Variants in RHOBTB3 observed in about 807,000 individuals in gnomAD.
The protein encoded by RHOBTB3 is rho-related BTB domain-containing protein 3.
A neutral mutation model predicts 67.2 loss-of-function variants in RHOBTB3; 47 were observed. That is an observed-to-expected ratio of 0.70 (90% CI 0.55 to 0.89). The LOEUF is 0.89. Ranked by LOEUF, RHOBTB3 falls within the 40% of genes least tolerant of loss-of-function variation. The pLI is 0.00. For missense variants in RHOBTB3, 631 were observed against 750.0 expected (o/e 0.84, Z 1.85); for synonymous variants, 273 against 274.2 (o/e 1.00, Z 0.04).
At chr5:95,733,719 C>G (rs1387285683) in intron 2 of RHOBTB3, among the ~76,000 whole-genome samples, 8 of 152,152 alleles carry the variant, frequency 5.3e-5, no homozygotes, top group Admixed American at 3.3e-4. Context: ...TAATGATCTT[C>G]AGATATGAGA....
chr5:95,758,952 C>G (rs1011283283), intron 6 of RHOBTB3, among the ~76,000 whole-genome samples: 4 of 152,226 alleles, frequency 2.6e-5, no homozygotes, highest in Admixed American at 2.0e-4. Flanking sequence ...ACCAAGTTAA[C>G]AGCTTAGGAT....
intron 4 of RHOBTB3, among the ~76,000 whole-genome samples, chr5:95,750,181 G>C (rs1745048351): frequency 6.6e-6 from 1 of 152,194 alleles, no homozygotes; most frequent in Admixed American, 6.5e-5. Context: ...AAGGAGCATT[G>C]AAAATCTGCA....
At chr5:95,775,370 C>G (rs1745838994) in intron 8 of RHOBTB3, among the ~76,000 whole-genome samples, 1 of 148,680 alleles carries the variant, frequency 6.7e-6, no homozygotes, top group Non-Finnish European at 1.5e-5. Flanking sequence ...ATTAGAGATC[C>G]TAAACTATTA....
intron 1 of RHOBTB3, among the ~76,000 whole-genome samples, chr5:95,723,026 G>T (rs1019007175): frequency 9.9e-5 from 15 of 152,064 alleles, no homozygotes; most frequent in African/African-American, 3.6e-4. Flanking sequence ...TTCAAACAAA[G>T]AAACAAACAT....
chr5:95,747,501 C>T (rs1447122747), intron 3 of RHOBTB3, among the ~76,000 whole-genome samples: 1 of 152,172 alleles, frequency 6.6e-6, no homozygotes, highest in Non-Finnish European at 1.5e-5. Context: ...TGAATGGTGA[C>T]ACATCTGATG....
chr5:95,788,993 T>G (rs1746299746), intron 11 of RHOBTB3, 135 bp downstream of exon 11: 1 of 578,098 alleles, frequency 1.7e-6, no homozygotes, highest in African/African-American at 2.0e-5. Context: ...AATTATGCAG[T>G]GTGGTAATTG....
intron 11 of RHOBTB3, among the ~76,000 whole-genome samples, chr5:95,792,021 AC>A (rs1746412483): frequency 1.3e-5 from 2 of 152,120 alleles, no homozygotes; most frequent in Non-Finnish European, 2.9e-5. Context: ...GCTTCACCAA[AC>A]CTAGAGAATG....
chr5:95,754,132 G>A (rs1470956596), intron 5 of RHOBTB3, among the ~76,000 whole-genome samples: 1 of 151,996 alleles, frequency 6.6e-6, no homozygotes, highest in African/African-American at 2.4e-5. Context: ...TCTCTTGTGT[G>A]GGTCTTCATG....
Position 95,731,469 on chromosome 5 carries a change from T to TC in RHOBTB3, c.-209dup. ...GCACTCCCTGAGTAGCGGCAGCTTA[T>TC]CCCCCGCCCGCTAGCCCGCCCTGGT... On this transcript the variant is annotated 5_prime_UTR_variant, in exon 1 of 12. Coordinates refer to ENST00000379982, the MANE Select transcript of RHOBTB3 (RefSeq NM_014899.4). The TC allele has an allele frequency of 8.2e-7, 1 of 1,220,848 alleles. No homozygotes were observed. Among genetic ancestry groups the TC allele is most frequent in the Non-Finnish European group, 1.0e-6 (1 of 984,198 alleles). 75.6% of individuals were successfully genotyped at this position (1,220,848 alleles called of 1,614,324 possible). A position where few individuals can be genotyped will look rare whatever the true frequency, so the allele number is the denominator to read the frequency against.
At chr5:95,791,903 C>A (rs1282798048) in intron 11 of RHOBTB3, among the ~76,000 whole-genome samples, 1 of 152,090 alleles carries the variant, frequency 6.6e-6, no homozygotes, top group African/African-American at 2.4e-5. Flanking sequence ...ATTCTGTAAC[C>A]TAGAATGCCT....
chr5:95,747,303 A>G (rs1246234244), intron 3 of RHOBTB3, among the ~76,000 whole-genome samples: 1 of 152,162 alleles, frequency 6.6e-6, no homozygotes, highest in Non-Finnish European at 1.5e-5. Context: ...CAGTACTGCA[A>G]TTCCAATTTT....
chr5:95,747,332 A>G (rs964697151), intron 3 of RHOBTB3, among the ~76,000 whole-genome samples: 2 of 152,076 alleles, frequency 1.3e-5, no homozygotes, highest in Admixed American at 1.3e-4. Flanking sequence ...CCAGTCCCGC[A>G]TTCCTCACCC....
chr5:95,758,819 C>T (rs540594143), intron 6 of RHOBTB3, among the ~76,000 whole-genome samples: 4 of 152,228 alleles, frequency 2.6e-5, no homozygotes, highest in Admixed American at 6.5e-5. Context: ...CAGTAGTCTC[C>T]GAGGTGGTGC....
intron 5 of RHOBTB3, 83 bp from the exon 6 acceptor site, chr5:95,755,313 A>G (rs1028581406): frequency 7.2e-6 from 7 of 969,022 alleles, no homozygotes; most frequent in Non-Finnish European, 9.9e-6. Context: ...AATATTATAC[A>G]ATTATATTTA....
At chr5:95,783,705 TTTAA>T (rs1347485947) in intron 9 of RHOBTB3, 88 bp from the exon 10 acceptor site, 1 of 1,125,138 alleles carries the variant, frequency 8.9e-7, no homozygotes, top group African/African-American at 1.5e-5. Flanking sequence ...AGCATGTTTT[TTTAA>T]TTGTTGTTTT....
chr5:95,721,693 T>TAAAA (rs58596325), intron 1 of RHOBTB3, among the ~76,000 whole-genome samples: 1 of 132,202 alleles, frequency 7.6e-6, no homozygotes. Flanking sequence ...CTGAGAGCAT[T>TAAAA]AAAAAAAAAA....
At chr5:95,736,132 A>G (rs1186927602) in intron 2 of RHOBTB3, among the ~76,000 whole-genome samples, 1 of 152,224 alleles carries the variant, frequency 6.6e-6, no homozygotes, top group Non-Finnish European at 1.5e-5. Flanking sequence ...GTTTGTAATA[A>G]ATTACTTACT....
intron 9 of RHOBTB3, chr5:95,782,254 T>C (rs1162749281): frequency 1.3e-5 from 2 of 152,128 alleles, no homozygotes; most frequent in South Asian, 2.1e-4. Context: ...CTTGGTTCCA[T>C]AGCTACAAAA....
chr5:95,754,840 A>T (rs563885078), intron 5 of RHOBTB3, among the ~76,000 whole-genome samples: 30 of 152,358 alleles, frequency 2.0e-4, no homozygotes, highest in African/African-American at 6.0e-4. Flanking sequence ...GATCGAGTTC[A>T]AGACTCTGAG....
Sources: gnomAD v4.1 joint callset for allele counts (sites outside exome capture counted in the v4.1 genomes callset) on GRCh38, gnomAD v4.1.1 for gene constraint, MANE v1.5 for transcripts, NCBI Gene and HGNC (gene_info 2026-07-23, HGNC 2026-07-21) for gene names.